Variants in VARS1 observed in about 807,000 individuals in gnomAD.
The protein encoded by VARS1 is valyl-tRNA synthetase 1, also known as valine--tRNA ligase.
Under a neutral mutation model 161.0 loss-of-function variants are expected in VARS1, and 92 were observed. The ratio of observed to expected loss-of-function variants is 0.57; its 90% CI spans 0.48 to 0.68. The LOEUF (loss-of-function observed/expected upper bound fraction) is 0.68, where lower values mean the gene tolerates loss of function less well. Ranked by LOEUF, VARS1 falls within the 30% of genes least tolerant of loss-of-function variation. The probability of loss-of-function intolerance (pLI) is 0.00; values close to 1 mark genes in which losing one functional copy is unlikely to be tolerated. For missense variants in VARS1, 1,338 were observed against 1,695.9 expected, an observed-to-expected ratio of 0.79 and a Z score of 3.71; for synonymous variants, 595 against 682.5, an observed-to-expected ratio of 0.87 and a Z score of 2.00.
rs1168869644 is a variant in VARS1, at chr6:31,777,612, T to C, written c.3777A>G (p.Leu1259=). The C allele has an allele frequency of 6.2e-7, 1 of 1,613,966 alleles. No individual in the cohort carries two copies. The highest frequency in any genetic ancestry group is 8.5e-7 in the Non-Finnish European group (1 of 1,179,988). ...ELRKVDEAIA[L]FQKML is the part of the protein sequence containing the mutation. ...TGGTGGATCACAGCATCTTCTGGAA[T>C]AGGGCGATGGCCTCATCCACCTTCC... is the stretch of plus-strand genomic sequence containing the variant. Residue 1259 remains leucine (L), a synonymous_variant, in exon 30 of 30, where the codon CTA becomes CTG. Coordinates refer to ENST00000375663, the MANE Select transcript of VARS1 (RefSeq NM_006295.3). This position sits in a 1 kb window ranked among gnomAD's most constrained non-coding sequence, Gnocchi z 5.8.
At chr6:31,792,548 C>T (rs760578484) in intron 4 of VARS1, 32 bp from the exon 5 acceptor site, 1 of 1,613,626 alleles carries the variant, frequency 6.2e-7, no homozygotes, top group Non-Finnish European at 8.5e-7. Flanking sequence ...CAGACTCAGC[C>T]AGCTGGGGAC....
At position 31,781,024 on chromosome 6, in the gene VARS1, G is replaced by A; in HGVS notation, c.2644C>T (p.Leu882=). ...TGGCCCAGCACCCAGCCCACCTGCAGGGAGATTCCATAGATGACGTCCAGG... is the reference window on the plus strand; with the variant it reads ...TGGCCCAGCACCCAGCCCACCTGCAAGGAGATTCCATAGATGACGTCCAGG... ...DPLDVIYGIS[L]QGLHNQLLNS... The change falls in exon 22 of 30, where the codon CTG becomes TTG. Residue 882 remains leucine (L), a synonymous_variant. Transcript: ENST00000375663. The surrounding 1 kb of genome is among the most constrained non-coding windows in gnomAD (Gnocchi z 6.8). 6.2e-7 allele frequency: 1 copy of A among 1,614,136 alleles called. No homozygotes were observed. The highest frequency in any genetic ancestry group is 8.5e-7 in the Non-Finnish European group (1 of 1,180,036).
Position 31,784,867 on chromosome 6 carries a change from G to C in VARS1, c.1348-153C>G, listed in dbSNP as rs75155700. Among the ~76,000 whole-genome samples the C allele has an allele frequency of 6.6e-6, 1 of 152,154 alleles. No individual in the cohort carries two copies. Among genetic ancestry groups the C allele is most frequent in the Admixed American group, 6.5e-5 (1 of 15,272 alleles). ...GGAGTACTTTCCTTCTTTCCTTGAG[G>C]GGGAGAGAGGACTAAGGGAACACAA... On this transcript the variant is annotated intron_variant, in intron 10 of 29. Coordinates refer to ENST00000375663, the MANE Select transcript of VARS1 (RefSeq NM_006295.3). This position sits in a 1 kb window ranked among gnomAD's most constrained non-coding sequence, Gnocchi z 6.1.
intron 8 of VARS1, among the ~76,000 whole-genome samples, chr6:31,786,934 A>G (rs1325469384): frequency 6.6e-6 from 1 of 151,962 alleles, no homozygotes; most frequent in African/African-American, 2.4e-5. Flanking sequence ...TAGATAGATT[A>G]AAGAATTCAA....
rs1330959651 is a variant in VARS1 at position 31,780,735 on chromosome 6, G to A, written c.2767C>T (p.Arg923Trp). The A allele has an allele frequency of 4.3e-6, 7 of 1,614,156 alleles. No homozygotes were observed. The highest frequency in any genetic ancestry group is 1.3e-5 in the African/African-American group (1 of 75,054). Reference protein sequence around the residue: ...GIPECGTDALRFGLCAYMSQG... With the variant: ...GIPECGTDALWFGLCAYMSQG... ...GACATGTAGGCACATAATCCAAACC[G>A]GAGAGCATCGGTGCCACATTCAGGA... The change falls in exon 24 of 30, where the codon CGG (arginine) becomes TGG (tryptophan). Residue 923 changes from arginine to tryptophan, a missense_variant. By Grantham distance (101) the Arg-to-Trp change is moderately radical (BLOSUM62 -3). Coordinates refer to ENST00000375663, the MANE Select transcript of VARS1 (RefSeq NM_006295.3). This position sits in a 1 kb window ranked among gnomAD's most constrained non-coding sequence, Gnocchi z 5.1.
In VARS1 at chr6:31,791,480, G is replaced by C. The variant is rs888533256; in HGVS notation, c.1100+130C>G. The C allele has an allele frequency of 5.4e-6, 7 of 1,298,336 alleles. No homozygotes were observed. In the African/African-American group the frequency reaches 1.1e-4, roughly 19 times the overall value. 80.4% of individuals were successfully genotyped at this position (1,298,336 alleles called of 1,614,324 possible). Reference sequence around the variant, plus strand: ...AATGATCAGATTGGAATGACAGAGAGAAGTGTAGCACCACTGGGGGCAGAA... The same window carrying C: ...AATGATCAGATTGGAATGACAGAGACAAGTGTAGCACCACTGGGGGCAGAA... On this transcript the variant is annotated intron_variant, in intron 8 of 29. Transcript: ENST00000375663. This position sits in a 1 kb window ranked among gnomAD's most constrained non-coding sequence, Gnocchi z 5.0.
In VARS1 at chr6:31,781,359, G is replaced by A. The variant is rs926860689; in HGVS notation, c.2544+122C>T. The A allele has an allele frequency of 6.9e-7, 1 of 1,443,664 alleles. No homozygotes were observed. Among genetic ancestry groups the A allele is most frequent in the Non-Finnish European group, 9.2e-7 (1 of 1,081,092 alleles). The allele number at this position is 1,443,664 out of a possible 1,614,324, so 89.4% of individuals were successfully genotyped here. A position where few individuals can be genotyped will look rare whatever the true frequency, so the allele number is the denominator to read the frequency against. ...CAGGCTGGATTTCAACCCCACACCA[G>A]CCCCCGGGTCAGGCCTGCCCACAGC... is the stretch of plus-strand genomic sequence containing the variant. On this transcript the variant is annotated intron_variant, in intron 21 of 29. Coordinates refer to ENST00000375663, the MANE Select transcript of VARS1 (RefSeq NM_006295.3). This position sits in a 1 kb window ranked among gnomAD's most constrained non-coding sequence, Gnocchi z 6.8.
Position 31,782,839 on chromosome 6 carries a change from A to C in VARS1, c.1769T>G (p.Val590Gly), listed in dbSNP as rs758558468. The C allele has an allele frequency of 1.2e-6, 2 of 1,611,340 alleles. No homozygotes were observed. Among genetic ancestry groups the C allele is most frequent in the Non-Finnish European group, 8.5e-7 (1 of 1,179,216 alleles). The change falls in exon 15 of 30, where the codon GTG becomes GGG. Residue 590 changes from valine to glycine, a missense_variant. Val to Gly is a moderately radical substitution (Grantham distance 109). Around this residue, in one of 3 missense-constraint regions of VARS1, gnomAD observed 902 missense variants for 1,090.3 expected, o/e 0.83. Coordinates refer to ENST00000375663, the MANE Select transcript of VARS1 (RefSeq NM_006295.3). The surrounding 1 kb of genome is among the most constrained non-coding windows in gnomAD (Gnocchi z 8.3). ...FVDMDFGTGA[V>G]KITPAHDQND... ...TTGGTCATGTGCGGGGGTGATCTTC[A>C]CAGCACCTGGGTGTACATCAGGATG... is the stretch of plus-strand genomic sequence containing the variant.
Position 31,780,956 on chromosome 6 carries a change from G to A in VARS1, c.2650-18C>T. ...TGGAGGCCCTGAGGGTGGAGTGGGA[G>A]CAGTCAGGTGGCTGTGACCACAGCC... is the stretch of plus-strand genomic sequence containing the variant. On this transcript the variant is annotated intron_variant, in intron 22 of 29. Coordinates refer to ENST00000375663, the MANE Select transcript of VARS1 (RefSeq NM_006295.3). This position sits in a 1 kb window ranked among gnomAD's most constrained non-coding sequence, Gnocchi z 5.1. The A allele has an allele frequency of 6.2e-7, 1 of 1,614,054 alleles. No individual in the cohort carries two copies. Among genetic ancestry groups the A allele is most frequent in the Non-Finnish European group, 8.5e-7 (1 of 1,180,016 alleles).
chr6:31,785,417 C>A lies in VARS1; in HGVS notation c.1266-90G>T. The A allele has an allele frequency of 6.4e-7, 1 of 1,569,250 alleles. No homozygotes were observed. Among genetic ancestry groups the A allele is most frequent in the East Asian group, 2.3e-5 (1 of 44,248 alleles). Reference sequence around the variant, plus strand: ...CTGGGCAGTGTGGAGATCACCCATCCCCCTGAAATTTACCTGGGCCCTAGA... The same window carrying A: ...CTGGGCAGTGTGGAGATCACCCATCACCCTGAAATTTACCTGGGCCCTAGA... On this transcript the variant is annotated intron_variant, in intron 9 of 29. Coordinates refer to ENST00000375663, the MANE Select transcript of VARS1 (RefSeq NM_006295.3). The surrounding 1 kb of genome is among the most constrained non-coding windows in gnomAD (Gnocchi z 6.1).
At position 31,795,155 on chromosome 6, in the gene VARS1, G is replaced by T. The variant is rs907668494; in HGVS notation, c.63C>A (p.Ala21=). The change falls in exon 2 of 30, where the codon GCC becomes GCA. Residue 21 remains alanine (A), a synonymous_variant. Transcript: ENST00000375663. The surrounding 1 kb of genome is among the most constrained non-coding windows in gnomAD (Gnocchi z 6.9). ...CCTCCCCAGCCTCCCCATAGCGAGC[G>T]GCTATGAGGGCTCGGAGGCTGGGGA... ...DAFPSLRALI[A]ARYGEAGEGP... 1.3e-6 allele frequency: 2 copies of T among 1,482,910 alleles called. No individual in the cohort carries two copies. The highest frequency in any genetic ancestry group is 4.7e-5 in the Admixed American group (2 of 42,972). 91.9% of individuals were successfully genotyped at this position (1,482,910 alleles called of 1,614,324 possible). A position where few individuals can be genotyped will look rare whatever the true frequency, so the allele number is the denominator to read the frequency against.
intron 13 of VARS1, among the ~76,000 whole-genome samples, chr6:31,783,823 G>A (rs986693019): frequency 1.3e-5 from 2 of 152,006 alleles, no homozygotes; most frequent in African/African-American, 4.8e-5. Context: ...CACTACAACT[G>A]GCTAATTTTT....
chr6:31,791,766 T>TA lies in VARS1; in HGVS notation c.973-30dup. 2 of 1,612,988 alleles carry TA rather than the reference T, an allele frequency of 1.2e-6. No homozygotes were observed. The highest frequency in any genetic ancestry group is 2.7e-5 in the African/African-American group (2 of 75,004). On this transcript the variant is annotated intron_variant, in intron 7 of 29. Coordinates refer to ENST00000375663, the MANE Select transcript of VARS1 (RefSeq NM_006295.3). The surrounding 1 kb of genome is among the most constrained non-coding windows in gnomAD (Gnocchi z 5.0). ...ATGGTGGAGAAGGATGGCACATGTT[T>TA]AAGGCCTCAGGTCACCTCTCCCAGC...
chr6:31,795,045 G>A lies in VARS1; in HGVS notation c.173C>T (p.Pro58Leu), dbSNP rs966493356. Residue 58 changes from proline to leucine, a missense_variant, in exon 2 of 30, where the codon CCG (proline) becomes CTG (leucine). Pro to Leu is a moderately conservative substitution (Grantham distance 98). Around this residue, in one of 3 missense-constraint regions of VARS1, gnomAD observed 902 missense variants for 1,090.3 expected, o/e 0.83. Transcript: ENST00000375663. This position sits in a 1 kb window ranked among gnomAD's most constrained non-coding sequence, Gnocchi z 6.9. ...SRTPFPPPRLPALEQGPGGLW... is the reference protein window; with the variant it reads ...SRTPFPPPRLLALEQGPGGLW... The stretch of plus-strand genomic sequence containing the variant: ...CCCACCGGGCCCCTGCTCCAGGGCC[G>A]GCAGGCGGGGTGGGGGAAAGGGAGT... 1.3e-6 allele frequency: 2 copies of A among 1,550,934 alleles called. No homozygotes were observed. Among genetic ancestry groups the A allele is most frequent in the Non-Finnish European group, 8.7e-7 (1 of 1,144,620 alleles).
chr6:31,791,849 C>G lies in VARS1; in HGVS notation c.972+22G>C. The G allele has an allele frequency of 6.2e-7, 1 of 1,611,814 alleles. No individual in the cohort carries two copies. Among genetic ancestry groups the G allele is most frequent in the Non-Finnish European group, 8.5e-7 (1 of 1,179,350 alleles). On this transcript the variant is annotated intron_variant, in intron 7 of 29. Transcript: ENST00000375663. The surrounding 1 kb of genome is among the most constrained non-coding windows in gnomAD (Gnocchi z 5.0). ...CTTCCCCACCCCACCCACTCTGGGC[C>G]TGGGCAGCAGTGCCTACTCACCCCA...
rs763422077 is a variant in VARS1 at position 31,779,646 on chromosome 6, G to C, written c.3250C>G (p.Pro1084Ala). The change falls in exon 27 of 30, where the codon CCT becomes GCT. Residue 1084 changes from proline to alanine, a missense_variant. Physicochemically the swap from Pro to Ala is conservative, Grantham distance 27 (BLOSUM62 -1). Transcript: ENST00000375663. This position sits in a 1 kb window ranked among gnomAD's most constrained non-coding sequence, Gnocchi z 9.1. ...GGGTAGGGGGTAACACAGAGGCTAG[G>C]GGGAGCTTGCGGCATCCTCCGGGGC... ...RLPRRMPQAPPSLCVTPYPEP... is the reference protein window; with the variant it reads ...RLPRRMPQAPASLCVTPYPEP... 4 of 1,612,832 alleles carry C rather than the reference G, an allele frequency of 2.5e-6. No homozygotes were observed. The highest frequency in any genetic ancestry group is 3.4e-6 in the Non-Finnish European group (4 of 1,179,942).
chr6:31,777,686 T>G lies in VARS1; in HGVS notation c.3727-24A>C. ...AGCTGGAGTGGAACCAGGGGGTGGG[T>G]GAGGACCCAGGTCCAAGTGAAGAGA... On this transcript the variant is annotated intron_variant, in intron 29 of 29. Transcript: ENST00000375663. This position sits in a 1 kb window ranked among gnomAD's most constrained non-coding sequence, Gnocchi z 5.8. 1 of 1,609,576 alleles carries G rather than the reference T, an allele frequency of 6.2e-7. No homozygotes were observed. Among genetic ancestry groups the G allele is most frequent in the African/African-American group, 1.3e-5 (1 of 74,750 alleles).
Position 31,784,205 on chromosome 6 carries a change from G to A in VARS1, c.1671+9C>T. 1 of 1,614,114 alleles carries A rather than the reference G, an allele frequency of 6.2e-7. No individual in the cohort carries two copies. ...AGAACTCCTTCCCTAACTGTGGACAGTCCCCCACCTGGTATCTGGTATCTT... is the reference window on the plus strand; with the variant it reads ...AGAACTCCTTCCCTAACTGTGGACAATCCCCCACCTGGTATCTGGTATCTT... On this transcript the variant is annotated intron_variant, in intron 13 of 29. Coordinates refer to ENST00000375663, the MANE Select transcript of VARS1 (RefSeq NM_006295.3). The surrounding 1 kb of genome is among the most constrained non-coding windows in gnomAD (Gnocchi z 6.1).
In VARS1 at chr6:31,778,359, C is replaced by A. The variant is rs1812877562; in HGVS notation, c.3726+608G>T. Among the ~76,000 whole-genome samples, 1 of 152,112 alleles carries A rather than the reference C, an allele frequency of 6.6e-6. No individual in the cohort carries two copies. The highest frequency in any genetic ancestry group is 1.9e-4 in the East Asian group (1 of 5,204). ...CTCCGTCTCCCACCTGTTGTGTGAC[C>A]CTGGGTTGTGCCCAGCCCCCAGCTG... On this transcript the variant is annotated intron_variant, in intron 29 of 29. Coordinates refer to ENST00000375663, the MANE Select transcript of VARS1 (RefSeq NM_006295.3). This position sits in a 1 kb window ranked among gnomAD's most constrained non-coding sequence, Gnocchi z 5.1.
Sources: allele counts gnomAD v4.1 joint callset (sites outside exome capture counted in the v4.1 genomes callset), GRCh38; gene constraint gnomAD v4.1.1; regional missense constraint gnomAD v4.1.1; non-coding constraint Gnocchi (gnomAD v3.1); transcripts MANE v1.5; gene names NCBI Gene and HGNC (gene_info 2026-07-23, HGNC 2026-07-21).